Variants in EXOC6B observed in about 807,000 individuals in gnomAD.
The protein encoded by EXOC6B is SEC15 homolog B.
EXOC6B carries 54 observed loss-of-function variants against 113.5 expected under a neutral mutation model. That is an observed-to-expected ratio of 0.48 (90% CI 0.38 to 0.60). The LOEUF (loss-of-function observed/expected upper bound fraction) is 0.60. Among genes scored for constraint, EXOC6B ranks in the 20% least tolerant of loss-of-function variants. The pLI, the probability that EXOC6B is intolerant of heterozygous loss-of-function variation, is 0.00. For missense variants in EXOC6B, 797 were observed against 977.5 expected (o/e 0.82, Z 2.46); for synonymous variants, 357 against 339.0 (o/e 1.05, Z -0.58).
At chr2:72,540,391 CGTT>C (rs1027327562) in intron 8 of EXOC6B, among the ~76,000 whole-genome samples, 56 of 152,046 alleles carry the variant, frequency 3.7e-4, no homozygotes, top group African/African-American at 1.3e-3. Context: ...TCCAGATTCA[CGTT>C]GTTAATATTT....
chr2:72,734,410 G>A (rs1048263902), intron 2 of EXOC6B, among the ~76,000 whole-genome samples: 13 of 152,122 alleles, frequency 8.5e-5, no homozygotes, highest in African/African-American at 2.2e-4. Context: ...TGATAAAGCC[G>A]TCCAAAATGC....
intron 20 of EXOC6B, among the ~76,000 whole-genome samples, chr2:72,333,562 A>C (rs369372110): frequency 6.6e-6 from 1 of 152,144 alleles, no homozygotes; most frequent in East Asian, 1.9e-4. Context: ...TTTCAATCTT[A>C]CATCAGTCAA....
Position 72,518,485 on chromosome 2 carries a change from T to G in EXOC6B, c.916-3359A>C, listed in dbSNP as rs1422693368. On this transcript the variant is annotated intron_variant, in intron 8 of 21. Transcript: ENST00000272427. ...CAGAATCCTATGGATTAAAGTAGGG[T>G]GTGTGTGTGTGTGTGTGTGTGTGTG... 1.4e-3 allele frequency among the ~76,000 whole-genome samples: 18 copies of G among 13,066 alleles called. No individual in the cohort carries two copies. In the South Asian group the frequency reaches 0.022, roughly 16 times the overall value. The allele number at this position is 13,066 out of a possible 152,430, so 8.6% of individuals were successfully genotyped here. A position where few individuals can be genotyped will look rare whatever the true frequency, so the allele number is the denominator to read the frequency against.
In EXOC6B at chr2:72,376,044, G is replaced by C. The variant is rs142991997; in HGVS notation, c.2122+3685C>G. Among the ~76,000 whole-genome samples, 733 of 152,176 alleles carry C rather than the reference G, an allele frequency of 4.8e-3. 9 individuals are homozygous for C. The highest frequency in any genetic ancestry group is 0.016 in the African/African-American group (681 of 41,514). On this transcript the variant is annotated intron_variant, in intron 19 of 21. Coordinates refer to ENST00000272427, the MANE Select transcript of EXOC6B (RefSeq NM_015189.3). ...TCTGTTGGTTACAATCAACTCACAA[G>C]CTTGCCCAGATTCAAGGGGAGGCGA...
At chr2:72,817,491 G>A (rs191485185) in intron 1 of EXOC6B, among the ~76,000 whole-genome samples, 15 of 152,056 alleles carry the variant, frequency 9.9e-5, no homozygotes, top group African/African-American at 2.4e-4. Flanking sequence ...TCTTCTATTC[G>A]TTCAACAAAT....
chr2:72,336,473 A>C (rs1365744187), intron 19 of EXOC6B, among the ~76,000 whole-genome samples: 2 of 151,988 alleles, frequency 1.3e-5, no homozygotes, highest in Non-Finnish European at 2.9e-5. Flanking sequence ...ACATTATACA[A>C]AATGAAATTT....
chr2:72,309,423 A>G (rs1687069526), intron 20 of EXOC6B, among the ~76,000 whole-genome samples: 1 of 152,162 alleles, frequency 6.6e-6, no homozygotes, highest in Non-Finnish European at 1.5e-5. Context: ...TTACTCGCTA[A>G]TCCAACCCTT....
intron 6 of EXOC6B, among the ~76,000 whole-genome samples, chr2:72,666,204 C>A (rs1675377691): frequency 6.6e-6 from 1 of 152,124 alleles, no homozygotes; most frequent in South Asian, 2.1e-4. Context: ...CTAGTGAAAG[C>A]CTTGAACACC....
chr2:72,720,005 A>G (rs916546371), intron 5 of EXOC6B, among the ~76,000 whole-genome samples: 2 of 152,224 alleles, frequency 1.3e-5, no homozygotes, highest in African/African-American at 4.8e-5. Context: ...TAACAGCACA[A>G]AAGAGTAGGA....
At chr2:72,745,537 T>C (rs1282416836) in intron 1 of EXOC6B, among the ~76,000 whole-genome samples, 65 of 152,110 alleles carry the variant, frequency 4.3e-4, no homozygotes, top group Admixed American at 4.2e-3. Context: ...TTGTGTTCCA[T>C]AGGTATGTTT....
intron 20 of EXOC6B, among the ~76,000 whole-genome samples, chr2:72,252,572 T>G (rs1428598012): frequency 1.3e-5 from 2 of 152,226 alleles, no homozygotes; most frequent in African/African-American, 4.8e-5. Flanking sequence ...ACTATAAACT[T>G]TGTGATACTG....
intron 12 of EXOC6B, among the ~76,000 whole-genome samples, 153 bp from the exon 13 acceptor site, chr2:72,498,704 A>G (rs1010104972): frequency 6.6e-6 from 1 of 151,716 alleles, no homozygotes; most frequent in Non-Finnish European, 1.5e-5. Flanking sequence ...AGAATCTTTC[A>G]TTCACACCTA....
Position 72,708,122 on chromosome 2 carries a change from C to T in EXOC6B, c.669+9981G>A, listed in dbSNP as rs547922094. 3.3e-5 allele frequency among the ~76,000 whole-genome samples: 5 copies of T among 152,100 alleles called. No individual in the cohort carries two copies. The East Asian group carries it at 9.7e-4, about 29-fold the overall frequency. On this transcript the variant is annotated intron_variant, in intron 6 of 21. Coordinates refer to ENST00000272427, the MANE Select transcript of EXOC6B (RefSeq NM_015189.3). Reference sequence around the variant, plus strand: ...TAACCTCCTGAAACAAAATAAAAGTCTCTATTGTATAAAGAGTTCAAACCT... The same window carrying T: ...TAACCTCCTGAAACAAAATAAAAGTTTCTATTGTATAAAGAGTTCAAACCT...
chr2:72,721,807 T>C (rs1680024341), intron 5 of EXOC6B: 1 of 152,100 alleles, frequency 6.6e-6, no homozygotes, highest in Admixed American at 6.5e-5. Context: ...ATAGATCTAA[T>C]TGCCTCTTGG....
At chr2:72,294,546 T>C (rs571990668) in intron 20 of EXOC6B, among the ~76,000 whole-genome samples, 1 of 152,286 alleles carries the variant, frequency 6.6e-6, no homozygotes, top group East Asian at 1.9e-4. Flanking sequence ...TTTTTGATAT[T>C]AAAGTCTTTG....
At chr2:72,348,123 C>T (rs543003566) in intron 19 of EXOC6B, among the ~76,000 whole-genome samples, 2 of 152,200 alleles carry the variant, frequency 1.3e-5, no homozygotes, top group African/African-American at 2.4e-5. Context: ...GTCGGACCTG[C>T]GTTCTGGTTT....
chr2:72,364,428 C>T (rs149423922), intron 19 of EXOC6B, among the ~76,000 whole-genome samples: 34 of 152,218 alleles, frequency 2.2e-4, no homozygotes, highest in African/African-American at 7.9e-4. Flanking sequence ...CGTGGACTGT[C>T]AAGCCCTTCA....
chr2:72,437,268 A>G (rs1257326593), intron 18 of EXOC6B, among the ~76,000 whole-genome samples: 1 of 152,162 alleles, frequency 6.6e-6, no homozygotes, highest in Admixed American at 6.5e-5. Flanking sequence ...CTTCTGTTGG[A>G]AGCTTTGTCC....
chr2:72,463,349 A>C (rs145295218), intron 18 of EXOC6B: 1 of 152,248 alleles, frequency 6.6e-6, no homozygotes, highest in Non-Finnish European at 1.5e-5. Context: ...AGAGGAAGTA[A>C]AACATGTAGA....
Sources: gnomAD v4.1 joint callset for allele counts (sites outside exome capture counted in the v4.1 genomes callset) on GRCh38, gnomAD v4.1.1 for gene constraint, MANE v1.5 for transcripts, NCBI Gene and HGNC (gene_info 2026-07-23, HGNC 2026-07-21) for gene names.